Variants in INPP4B observed in about 807,000 individuals in gnomAD.
The protein encoded by INPP4B is inositol polyphosphate 4-phosphatase type II.
A neutral mutation model predicts 122.5 loss-of-function variants in INPP4B; 55 were observed. That is an observed-to-expected ratio of 0.45 (90% CI 0.36 to 0.56). The LOEUF (loss-of-function observed/expected upper bound fraction) is 0.56, where lower values mean the gene tolerates loss of function less well. INPP4B is among the 20% of genes least tolerant of loss of function. The probability of loss-of-function intolerance (pLI) is 0.00; values close to 1 mark genes in which losing one functional copy is unlikely to be tolerated. For synonymous variants in INPP4B, 403 were observed against 388.7 expected (o/e 1.04, Z -0.43); for missense variants, 1,000 against 1,097.7 (o/e 0.91, Z 1.26).
rs932967018 is a variant in INPP4B at position 142,283,434 on chromosome 4, C to T, written c.504-12660G>A. Among the ~76,000 whole-genome samples, 8 of 152,090 alleles carry T rather than the reference C, an allele frequency of 5.3e-5. No individual in the cohort carries two copies. In the East Asian group the frequency reaches 9.6e-4, roughly 18 times the overall value. ...GGCTAGAGCTATAAGAACAGTCATG[C>T]GTTGCTAGATGACAGAATATATTCT... On this transcript the variant is annotated intron_variant, in intron 9 of 25. Transcript: ENST00000262992.
chr4:142,695,726 C>T (rs1233494722), intron 2 of INPP4B, among the ~76,000 whole-genome samples: 1 of 152,162 alleles, frequency 6.6e-6, no homozygotes, highest in African/African-American at 2.4e-5. Flanking sequence ...ATATAATGCT[C>T]ATTAAGACAA....
At chr4:142,037,772 A>G (rs1348915455) in intron 25 of INPP4B, among the ~76,000 whole-genome samples, 2 of 152,176 alleles carry the variant, frequency 1.3e-5, no homozygotes, top group Admixed American at 6.6e-5. Flanking sequence ...GTTGAATTGT[A>G]TCAGATTTAA....
At chr4:142,606,415 A>C (rs188768676) in intron 2 of INPP4B, among the ~76,000 whole-genome samples, 2 of 151,954 alleles carry the variant, frequency 1.3e-5, no homozygotes, top group African/African-American at 4.8e-5. Flanking sequence ...TACCAACATA[A>C]AAAAATAATA....
chr4:142,083,360 G>T (rs1367359855), intron 24 of INPP4B, among the ~76,000 whole-genome samples: 1 of 152,118 alleles, frequency 6.6e-6, no homozygotes, highest in Non-Finnish European at 1.5e-5. Flanking sequence ...TTAAGTCAGA[G>T]AAAAATCACT....
intron 11 of INPP4B, among the ~76,000 whole-genome samples, chr4:142,244,815 A>G (rs1727070521): frequency 2.0e-5 from 3 of 152,146 alleles, no homozygotes; most frequent in African/African-American, 7.2e-5. Flanking sequence ...CTGTCTTCTA[A>G]AATGGTTGAA....
At chr4:142,663,970 T>C (rs1421318573) in intron 2 of INPP4B, among the ~76,000 whole-genome samples, 2 of 152,216 alleles carry the variant, frequency 1.3e-5, no homozygotes, top group East Asian at 3.8e-4. Flanking sequence ...AAAAGATGAC[T>C]AAGAAATGAA....
chr4:142,355,166 A>C (rs2148441883), intron 7 of INPP4B, among the ~76,000 whole-genome samples: 1 of 152,186 alleles, frequency 6.6e-6, no homozygotes, highest in Non-Finnish European at 1.5e-5. Context: ...CTTAAAATAG[A>C]AGTTCAGAAG....
chr4:142,621,700 T>C (rs1254205055), intron 2 of INPP4B, among the ~76,000 whole-genome samples: 1 of 151,840 alleles, frequency 6.6e-6, no homozygotes, highest in Non-Finnish European at 1.5e-5. Context: ...TGCTGAATAA[T>C]GATGTGGATT....
In INPP4B at chr4:142,694,524, A is replaced by C. The variant is rs1015907046; in HGVS notation, c.-191+31315T>G. On this transcript the variant is annotated intron_variant, in intron 2 of 25. Coordinates refer to ENST00000262992, the MANE Select transcript of INPP4B (RefSeq NM_001101669.3). ...GTCTTCCAAATTAGACATTTGGTCA[A>C]AACTGGTCAGGCAGGTCAGATACTG... Among the ~76,000 whole-genome samples the C allele has an allele frequency of 6.6e-5, 10 of 152,350 alleles. No individual in the cohort carries two copies. The East Asian group carries it at 1.9e-3, about 29-fold the overall frequency.
chr4:142,828,378 A>G (rs1781688902), intron 1 of INPP4B, among the ~76,000 whole-genome samples: 1 of 152,168 alleles, frequency 6.6e-6, no homozygotes, highest in Admixed American at 6.6e-5. Context: ...TGCCTATCAG[A>G]AAAGGAACAG....
intron 25 of INPP4B, among the ~76,000 whole-genome samples, chr4:142,080,338 C>T (rs1773250655): frequency 6.6e-6 from 1 of 152,070 alleles, no homozygotes; most frequent in Non-Finnish European, 1.5e-5. Context: ...AAGAAAAGAA[C>T]TCATCTTATT....
intron 8 of INPP4B, among the ~76,000 whole-genome samples, chr4:142,310,769 T>C (rs1765236323): frequency 1.3e-5 from 2 of 151,378 alleles, no homozygotes; most frequent in Non-Finnish European, 2.9e-5. Flanking sequence ...CTATTAACAT[T>C]GAAAAATACA....
At chr4:142,495,093 C>T (rs1382268438) in intron 2 of INPP4B, among the ~76,000 whole-genome samples, 1 of 152,110 alleles carries the variant, frequency 6.6e-6, no homozygotes, top group Admixed American at 6.6e-5. Context: ...TAATATTCTA[C>T]AAAGTTCCAA....
At chr4:142,584,147 A>G (rs946037677) in intron 2 of INPP4B, among the ~76,000 whole-genome samples, 2 of 151,948 alleles carry the variant, frequency 1.3e-5, no homozygotes, top group Non-Finnish European at 2.9e-5. Flanking sequence ...TCTTTTCTTT[A>G]CAACAACATT....
chr4:142,615,901 T>C (rs534927124), intron 2 of INPP4B, among the ~76,000 whole-genome samples: 24 of 151,956 alleles, frequency 1.6e-4, no homozygotes, highest in Non-Finnish European at 2.6e-4. Context: ...ACAAAAGCCA[T>C]ATTAATAGGA....
chr4:142,317,676 C>A (rs925992442), intron 7 of INPP4B: 15 of 152,520 alleles, frequency 9.8e-5, no homozygotes, highest in African/African-American at 3.4e-4. Context: ...TTTTTCCACT[C>A]TGGAAATGAA....
At chr4:142,352,969 C>A (rs533532991) in intron 7 of INPP4B, among the ~76,000 whole-genome samples, 14 of 151,652 alleles carry the variant, frequency 9.2e-5, no homozygotes, top group Non-Finnish European at 1.8e-4. Context: ...AGCTCACTAC[C>A]CATATAACTA....
chr4:142,290,989 A>C (rs1447310524), intron 9 of INPP4B, among the ~76,000 whole-genome samples: 1 of 152,142 alleles, frequency 6.6e-6, no homozygotes, highest in African/African-American at 2.4e-5. Flanking sequence ...TTTAAATCTC[A>C]AATCAGCCTT....
chr4:142,472,509 A>C (rs1441104509), intron 2 of INPP4B, among the ~76,000 whole-genome samples: 5 of 152,218 alleles, frequency 3.3e-5, no homozygotes, highest in Non-Finnish European at 7.4e-5. Flanking sequence ...ATACTGAAAA[A>C]GAAAATATAT....
Sources: gnomAD v4.1 joint callset for allele counts (sites outside exome capture counted in the v4.1 genomes callset) on GRCh38, gnomAD v4.1.1 for gene constraint, MANE v1.5 for transcripts, NCBI Gene and HGNC (gene_info 2026-07-23, HGNC 2026-07-21) for gene names.